Variants in BCL6B observed in about 807,000 individuals in gnomAD.
BCL6B encodes the protein B-cell CLL/lymphoma 6 member B protein.
BCL6B carries 28 observed loss-of-function variants against 44.6 expected under a neutral mutation model. The observed-to-expected ratio is 0.63, with a 90% CI of 0.47 to 0.86. The LOEUF (loss-of-function observed/expected upper bound fraction) is 0.86. Ranked by LOEUF, BCL6B falls within the 40% of genes least tolerant of loss-of-function variation. The probability of loss-of-function intolerance (pLI) is 0.00; values close to 1 mark genes in which losing one functional copy is unlikely to be tolerated. For missense variants in BCL6B, 626 were observed against 652.3 expected, an observed-to-expected ratio of 0.96 and a Z score of 0.44; for synonymous variants, 268 against 263.6, an observed-to-expected ratio of 1.02 and a Z score of -0.16.
chr17:7,028,642 C>A lies in BCL6B; in HGVS notation c.*1023C>A. On this transcript the variant is annotated 3_prime_UTR_variant, in exon 9 of 9. Transcript: ENST00000293805. ...CATCATCCTCCCACGGGGGCCTGTT[C>A]TTAGCACTGAGTTGATCGCTCCATG... 1 of 985,462 alleles carries A rather than the reference C, an allele frequency of 1.0e-6. No homozygotes were observed. Among genetic ancestry groups the A allele is most frequent in the Non-Finnish European group, 1.2e-6 (1 of 829,964 alleles). 61.0% of individuals were successfully genotyped at this position (985,462 alleles called of 1,614,324 possible).
In BCL6B at chr17:7,023,059, C is replaced by T. The variant is rs1288301496; in HGVS notation, c.-53C>T. 3 of 152,288 alleles carry T rather than the reference C, an allele frequency of 2.0e-5. No individual in the cohort carries two copies. Among genetic ancestry groups the T allele is most frequent in the Non-Finnish European group, 4.4e-5 (3 of 68,176 alleles). 9.4% of individuals were successfully genotyped at this position (152,288 alleles called of 1,614,324 possible). A position where few individuals can be genotyped will look rare whatever the true frequency, so the allele number is the denominator to read the frequency against. ...AGGCCAAGAGGGGAGAGAGACCCCG[C>T]CCCCCTTAAGAAGAGAAGCCGCGGC... On this transcript the variant is annotated 5_prime_UTR_variant, in exon 1 of 9. Coordinates refer to ENST00000293805, the MANE Select transcript of BCL6B (RefSeq NM_181844.4).
chr17:7,024,655 G>A lies in BCL6B; in HGVS notation c.656G>A (p.Gly219Asp). Residue 219 changes from glycine to aspartate, a missense_variant, in exon 4 of 9, where the codon GGT becomes GAT. Gly to Asp is a moderately conservative substitution (Grantham distance 94). Transcript: ENST00000293805. This position sits in a 1 kb window ranked among gnomAD's most constrained non-coding sequence, Gnocchi z 6.6. ...AGSLVGERSSGQPCPQARLPS... is the reference protein window; with the variant it reads ...AGSLVGERSSDQPCPQARLPS... ...AGCCTGGTCGGGGAGAGAAGTTCTGGTCAACCTTGCCCCCAAGCCAGGCTC... is the reference window on the plus strand; with the variant it reads ...AGCCTGGTCGGGGAGAGAAGTTCTGATCAACCTTGCCCCCAAGCCAGGCTC... The A allele has an allele frequency of 6.2e-7, 1 of 1,613,984 alleles. No individual in the cohort carries two copies. The highest frequency in any genetic ancestry group is 1.3e-5 in the African/African-American group (1 of 75,026).
rs1910239856 is a variant in BCL6B at position 7,024,845 on chromosome 17, G to A, written c.764+82G>A. Reference sequence around the variant, plus strand: ...GTCATTGGGCCTTGATGGTCAGGAGGAAGGGAGATAGGTGGTGGGTTTCAG... The same window carrying A: ...GTCATTGGGCCTTGATGGTCAGGAGAAAGGGAGATAGGTGGTGGGTTTCAG... On this transcript the variant is annotated intron_variant, in intron 4 of 8. Coordinates refer to ENST00000293805, the MANE Select transcript of BCL6B (RefSeq NM_181844.4). This position sits in a 1 kb window ranked among gnomAD's most constrained non-coding sequence, Gnocchi z 6.6. 50 of 1,500,786 alleles carry A rather than the reference G, an allele frequency of 3.3e-5. No individual in the cohort carries two copies. The highest frequency in any genetic ancestry group is 4.1e-5 in the Non-Finnish European group (46 of 1,126,398). The allele number at this position is 1,500,786 out of a possible 1,614,324, so 93.0% of individuals were successfully genotyped here. A position where few individuals can be genotyped will look rare whatever the true frequency, so the allele number is the denominator to read the frequency against.
rs1567728107 is a variant in BCL6B, at chr17:7,023,769, TGC to T, written c.102_103del (p.Gly35AspfsTer4). The T allele has an allele frequency of 1.8e-5, 29 of 1,605,414 alleles. No individual in the cohort carries two copies. The highest frequency in any genetic ancestry group is 2.4e-5 in the Non-Finnish European group (28 of 1,175,684). On this transcript the variant is annotated frameshift_variant, in exon 2 of 9. Coordinates refer to ENST00000293805, the MANE Select transcript of BCL6B (RefSeq NM_181844.4). LOFTEE classifies it high-confidence loss of function. ...CTGGGCAACCTCAACGAGCTGCGCC[TGC>T]GCGGGATCCTCACTGACGTCACGCT...
At chr17:7,023,496 T>C (rs1910184601) in intron 1 of BCL6B, 164 bp from the exon 2 acceptor site, 10 of 669,338 alleles carry the variant, frequency 1.5e-5, no homozygotes, top group Non-Finnish European at 2.2e-5. Flanking sequence ...GAGGGTGTCG[T>C]AGAGGGCAGA....
At position 7,024,414 on chromosome 17, in the gene BCL6B, G is replaced by A. The variant is rs1171218281; in HGVS notation, c.415G>A (p.Gly139Ser). Reference sequence around the variant, plus strand: ...CACTTTCCCCAGCTATGAACCTCTGGGCATCTCCCTGCGCCCCCTGGAAGC... The same window carrying A: ...CACTTTCCCCAGCTATGAACCTCTGAGCATCTCCCTGCGCCCCCTGGAAGC... ...RFIQASYEPL[G>S]ISLRPLEAEP... The change falls in exon 4 of 9, where the codon GGC becomes AGC. Residue 139 changes from glycine (G) to serine (S), a missense_variant. Coordinates refer to ENST00000293805, the MANE Select transcript of BCL6B (RefSeq NM_181844.4). The surrounding 1 kb of genome is among the most constrained non-coding windows in gnomAD (Gnocchi z 6.6). 8 of 1,613,228 alleles carry A rather than the reference G, an allele frequency of 5.0e-6. No individual in the cohort carries two copies. The highest frequency in any genetic ancestry group is 2.2e-5 in the East Asian group (1 of 44,868).
rs1910220671 is a variant in BCL6B at position 7,024,306 on chromosome 17, T to TG, written c.401+3dup. The TG allele has an allele frequency of 6.2e-7, 1 of 1,613,646 alleles. No individual in the cohort carries two copies. Among genetic ancestry groups the TG allele is most frequent in the East Asian group, 2.2e-5 (1 of 44,870 alleles). Reference sequence around the variant, plus strand: ...ATGCCACCGCTTCATCCAGGCCAGGTGAGGGACCCTGGCTCGGCGTTCTCT... The same window carrying TG: ...ATGCCACCGCTTCATCCAGGCCAGGTGGAGGGACCCTGGCTCGGCGTTCTCT... On this transcript the variant is annotated splice_region_variant and intron_variant, in intron 3 of 8. Transcript: ENST00000293805. The surrounding 1 kb of genome is among the most constrained non-coding windows in gnomAD (Gnocchi z 6.6).
chr17:7,023,462 G>A, intron 1 of BCL6B, 198 bp from the exon 2 acceptor site: 1 of 579,380 alleles, frequency 1.7e-6, no homozygotes. Context: ...CAAGCGCTGT[G>A]GGATCTGGAA....
Position 7,029,053 on chromosome 17 carries a change from A to C in BCL6B, c.*1434A>C. 1.0e-6 allele frequency: 1 copy of C among 985,520 alleles called. No individual in the cohort carries two copies. The highest frequency in any genetic ancestry group is 1.2e-6 in the Non-Finnish European group (1 of 829,962). The allele number at this position is 985,520 out of a possible 1,614,324, so 61.0% of individuals were successfully genotyped here. On this transcript the variant is annotated 3_prime_UTR_variant, in exon 9 of 9. Coordinates refer to ENST00000293805, the MANE Select transcript of BCL6B (RefSeq NM_181844.4). Reference sequence around the variant, plus strand: ...ATTAGAACCTTCCATAGGAAAAGAAAAGGGGCTGAGTTCCATTCTGGGTTT... The same window carrying C: ...ATTAGAACCTTCCATAGGAAAAGAACAGGGGCTGAGTTCCATTCTGGGTTT...
rs1204688945 is a variant in BCL6B, at chr17:7,028,859, T to G, written c.*1240T>G. The G allele has an allele frequency of 2.0e-6, 2 of 985,482 alleles. No individual in the cohort carries two copies. Among genetic ancestry groups the G allele is most frequent in the Non-Finnish European group, 2.4e-6 (2 of 829,942 alleles). 61.0% of individuals were successfully genotyped at this position (985,482 alleles called of 1,614,324 possible). On this transcript the variant is annotated 3_prime_UTR_variant, in exon 9 of 9. Transcript: ENST00000293805. Reference sequence around the variant, plus strand: ...TTACCTGGGGTTCTCTCTATTGAGTTGAGCCCCTTCTTCCTTTAGTGGGTT... The same window carrying G: ...TTACCTGGGGTTCTCTCTATTGAGTGGAGCCCCTTCTTCCTTTAGTGGGTT...
At chr17:7,026,884 G>A in intron 7 of BCL6B, 49 bp downstream of exon 7, 4 of 1,611,344 alleles carry the variant, frequency 2.5e-6, no homozygotes, top group Non-Finnish European at 3.4e-6. Flanking sequence ...TGCAAGAGGT[G>A]GGGTGGGCCA....
Position 7,029,039 on chromosome 17 carries a change from C to G in BCL6B, c.*1420C>G. 7 of 985,502 alleles carry G rather than the reference C, an allele frequency of 7.1e-6. No homozygotes were observed. The highest frequency in any genetic ancestry group is 8.4e-6 in the Non-Finnish European group (7 of 829,964). 61.0% of individuals were successfully genotyped at this position (985,502 alleles called of 1,614,324 possible). A position where few individuals can be genotyped will look rare whatever the true frequency, so the allele number is the denominator to read the frequency against. ...GAACCAGTGAATGCATTAGAACCTT[C>G]CATAGGAAAAGAAAAGGGGCTGAGT... On this transcript the variant is annotated 3_prime_UTR_variant, in exon 9 of 9. Coordinates refer to ENST00000293805, the MANE Select transcript of BCL6B (RefSeq NM_181844.4).
chr17:7,023,842 C>G lies in BCL6B; in HGVS notation c.171C>G (p.Ile57Met). 1 of 1,532,616 alleles carries G rather than the reference C, an allele frequency of 6.5e-7. No homozygotes were observed. The highest frequency in any genetic ancestry group is 8.9e-7 in the Non-Finnish European group (1 of 1,128,352). The allele number at this position is 1,532,616 out of a possible 1,614,324, so 94.9% of individuals were successfully genotyped here. The change falls in exon 2 of 9, where the codon ATC becomes ATG. Residue 57 changes from isoleucine (I) to methionine (M), a missense_variant. Physicochemically the swap from Ile to Met is conservative, Grantham distance 10. Coordinates refer to ENST00000293805, the MANE Select transcript of BCL6B (RefSeq NM_181844.4). ...TCAGAGCACACAAGGCAGTTCTCAT[C>G]GCCTGCAGGTTCGAGGGGTGGGGCC... ...QPLRAHKAVLIACSGFFYSIF... is the reference protein window; with the variant it reads ...QPLRAHKAVLMACSGFFYSIF...
Position 7,029,481 on chromosome 17 carries a change from C to T in BCL6B, c.*1862C>T. On this transcript the variant is annotated 3_prime_UTR_variant, in exon 9 of 9. Coordinates refer to ENST00000293805, the MANE Select transcript of BCL6B (RefSeq NM_181844.4). ...CTCTTCCCTCTTTCTCCCCATGGCC[C>T]CACTGCAGAATTAAAGAAGGAAGAA... 1 of 1,050,238 alleles carries T rather than the reference C, an allele frequency of 9.5e-7. No individual in the cohort carries two copies. The allele number at this position is 1,050,238 out of a possible 1,614,324, so 65.1% of individuals were successfully genotyped here.
intron 1 of BCL6B, 199 bp from the exon 2 acceptor site, chr17:7,023,461 T>G (rs536918912): frequency 2.6e-5 from 15 of 572,872 alleles, no homozygotes; most frequent in Middle Eastern, 9.3e-4. Flanking sequence ...CCAAGCGCTG[T>G]GGGATCTGGA....
At position 7,024,123 on chromosome 17, in the gene BCL6B, G is replaced by A; in HGVS notation, c.220G>A (p.Gly74Arg). The change falls in exon 3 of 9, where the codon GGG becomes AGG. Residue 74 changes from glycine to arginine, a missense_variant. Gly to Arg is a moderately radical substitution (Grantham distance 125, BLOSUM62 -2). Transcript: ENST00000293805. This position sits in a 1 kb window ranked among gnomAD's most constrained non-coding sequence, Gnocchi z 6.6. ...YSIFRGRAGV[G>R]VDVLSLPGGP... ...AATTTTCCGGGGCCGTGCGGGAGTC[G>A]GGGTGGACGTGCTCTCTCTGCCCGG... 1 of 1,614,012 alleles carries A rather than the reference G, an allele frequency of 6.2e-7. No homozygotes were observed. The highest frequency in any genetic ancestry group is 8.5e-7 in the Non-Finnish European group (1 of 1,180,012).
Position 7,024,828 on chromosome 17 carries a change from G to C in BCL6B, c.764+65G>C, listed in dbSNP as rs928562848. ...CTCAGCTAGAAGACAGAGTCATTGG[G>C]CCTTGATGGTCAGGAGGAAGGGAGA... On this transcript the variant is annotated intron_variant, in intron 4 of 8. Coordinates refer to ENST00000293805, the MANE Select transcript of BCL6B (RefSeq NM_181844.4). The surrounding 1 kb of genome is among the most constrained non-coding windows in gnomAD (Gnocchi z 6.6). 67 of 1,521,224 alleles carry C rather than the reference G, an allele frequency of 4.4e-5. No individual in the cohort carries two copies. The highest frequency in any genetic ancestry group is 5.5e-5 in the Non-Finnish European group (62 of 1,134,790). 94.2% of individuals were successfully genotyped at this position (1,521,224 alleles called of 1,614,324 possible).
chr17:7,023,485 C>A (rs967348957), intron 1 of BCL6B, 175 bp from the exon 2 acceptor site: 8 of 627,360 alleles, frequency 1.3e-5, no homozygotes, highest in African/African-American at 1.1e-4. Context: ...GGCAAGGGAG[C>A]GAGGGTGTCG....
intron 5 of BCL6B, among the ~76,000 whole-genome samples, chr17:7,026,105 A>G (rs1160513520): frequency 6.6e-6 from 1 of 152,030 alleles, no homozygotes; most frequent in Non-Finnish European, 1.5e-5. Flanking sequence ...TATTTTTAGT[A>G]GAGACGAGGT....
Sources: allele counts gnomAD v4.1 joint callset (sites outside exome capture counted in the v4.1 genomes callset), GRCh38; gene constraint gnomAD v4.1.1; non-coding constraint Gnocchi (gnomAD v3.1); transcripts MANE v1.5; gene names NCBI Gene and HGNC (gene_info 2026-07-23, HGNC 2026-07-21).